Variants in ZNF33A observed in about 807,000 individuals in gnomAD.
ZNF33A encodes the protein zinc finger protein 33A, also known as brain my041 protein.
Under a neutral mutation model 15.9 loss-of-function variants are expected in ZNF33A, and 9 were observed. The ratio of observed to expected loss-of-function variants is 0.57; its 90% CI spans 0.34 to 0.99. The LOEUF is 0.99. Ranked by LOEUF, ZNF33A falls within the 50% of genes least tolerant of loss-of-function variation. The pLI, the probability that ZNF33A is intolerant of heterozygous loss-of-function variation, is 0.02. For missense variants in ZNF33A, 843 were observed against 941.6 expected, an observed-to-expected ratio of 0.90 and a Z score of 1.37; for synonymous variants, 294 against 324.2, an observed-to-expected ratio of 0.91 and a Z score of 1.00.
downstream of ZNF33A, among the ~76,000 whole-genome samples, chr10:38,067,236 G>A (rs188142893): frequency 1.6e-3 from 241 of 151,748 alleles, no homozygotes; most frequent in African/African-American, 5.6e-3. Context: ...GCAGAGATAG[G>A]GGTCTTACTT....
Position 38,054,584 on chromosome 10 carries a change from G to T in ZNF33A, c.460G>T (p.Glu154Ter). Residue 154 changes from glutamate (E) to a stop codon, truncating the protein, a stop_gained, in exon 5 of 5, where the codon GAA (glutamate) becomes TAA (stop). Transcript: ENST00000432900. LOFTEE classifies it low-confidence loss of function (END_TRUNC). ...TGGAATGAGTTTCAACACTGTTTCA[G>T]AATTGGTTATCAGTAAGATAAACTA... ...SCGMSFNTVS[E>*]LVISKINYLG... The T allele has an allele frequency of 6.2e-7, 1 of 1,611,188 alleles. No homozygotes were observed.
At chr10:38,020,978 C>T (rs1203959789) in intron 4 of ZNF33A, among the ~76,000 whole-genome samples, 9 of 152,176 alleles carry the variant, frequency 5.9e-5, no homozygotes, top group African/African-American at 9.7e-5. Context: ...CTTTTAGTTC[C>T]TGTGAAACTG....
intron 4 of ZNF33A, among the ~76,000 whole-genome samples, chr10:38,021,454 A>G (rs1036581477): frequency 2.0e-5 from 3 of 151,266 alleles, no homozygotes; most frequent in Non-Finnish European, 2.9e-5. Context: ...TAGCCTGGAT[A>G]ACATGGTGAA....
chr10:38,038,791 G>C (rs1036660384), intron 4 of ZNF33A, among the ~76,000 whole-genome samples: 2 of 152,182 alleles, frequency 1.3e-5, no homozygotes, highest in African/African-American at 4.8e-5. Context: ...TTATAGAGAA[G>C]ATGGTCATTG....
Position 38,056,291 on chromosome 10 carries a change from T to C in ZNF33A, c.2167T>C (p.Cys723Arg). The C allele has an allele frequency of 1.9e-6, 3 of 1,614,128 alleles. No individual in the cohort carries two copies. The highest frequency in any genetic ancestry group is 2.5e-6 in the Non-Finnish European group (3 of 1,179,986). Residue 723 changes from cysteine to arginine, a missense_variant, in exon 5 of 5, where the codon TGT becomes CGT. Coordinates refer to ENST00000432900, the MANE Select transcript of ZNF33A (RefSeq NM_006954.2). ...TCACACAGGAGAGAAATCTTGTCAATGTAATGAATGTGGAAAAATCTTTTA... is the reference window on the plus strand; with the variant it reads ...TCACACAGGAGAGAAATCTTGTCAACGTAATGAATGTGGAAAAATCTTTTA... ...RAHTGEKSCQ[C>R]NECGKIFYRK... is the part of the protein sequence containing the mutation.
intron 1 of ZNF33A, among the ~76,000 whole-genome samples, 158 bp downstream of exon 1, chr10:38,010,941 G>C (rs2064143865): frequency 6.6e-6 from 1 of 152,210 alleles, no homozygotes; most frequent in African/African-American, 2.4e-5. Context: ...CACGACGCTA[G>C]GCCGGTTCCT....
chr10:38,029,339 G>GT (rs1276642301), intron 4 of ZNF33A, among the ~76,000 whole-genome samples: 2 of 152,078 alleles, frequency 1.3e-5, no homozygotes, highest in African/African-American at 4.8e-5. Flanking sequence ...TCAGATGATA[G>GT]TTTTTTTCTT....
At chr10:38,025,375 A>G (rs141459138) in intron 4 of ZNF33A, among the ~76,000 whole-genome samples, 2 of 152,322 alleles carry the variant, frequency 1.3e-5, no homozygotes, top group African/African-American at 4.8e-5. Flanking sequence ...CCTCACCCCA[A>G]GTGTGGTGGT....
intron 2 of ZNF33A, among the ~76,000 whole-genome samples, chr10:38,016,459 G>A (rs1028763282): frequency 2.6e-5 from 4 of 152,130 alleles, no homozygotes; most frequent in African/African-American, 9.7e-5. Context: ...TGCTTATGAA[G>A]AACGTAATAG....
downstream of ZNF33A, among the ~76,000 whole-genome samples, chr10:38,061,011 G>A (rs569268762): frequency 6.6e-6 from 1 of 152,258 alleles, no homozygotes; most frequent in African/African-American, 2.4e-5. Flanking sequence ...TGACCACACT[G>A]TACAGCACTT....
At chr10:38,031,717 C>T (rs2065220282) in intron 4 of ZNF33A, among the ~76,000 whole-genome samples, 1 of 152,072 alleles carries the variant, frequency 6.6e-6, no homozygotes, top group Admixed American at 6.5e-5. Context: ...ATAACCCCAG[C>T]ACTTTGGGAG....
chr10:38,022,347 A>T (rs993172557), intron 4 of ZNF33A, among the ~76,000 whole-genome samples: 1 of 152,166 alleles, frequency 6.6e-6, no homozygotes, highest in Non-Finnish European at 1.5e-5. Flanking sequence ...CTTGTCAACA[A>T]CTTTATGTTT....
At chr10:38,042,813 A>G (rs1373251607) in intron 4 of ZNF33A, among the ~76,000 whole-genome samples, 1 of 152,182 alleles carries the variant, frequency 6.6e-6, no homozygotes, top group African/African-American at 2.4e-5. Context: ...TCAGCCTCCC[A>G]AAGTGTTGGG....
intron 4 of ZNF33A, among the ~76,000 whole-genome samples, chr10:38,035,098 A>G (rs2135658252): frequency 7.1e-6 from 1 of 140,518 alleles, no homozygotes; most frequent in African/African-American, 2.7e-5. Context: ...ACCATCCATC[A>G]TCCATTTACT....
At chr10:38,027,525 C>CTT (rs760444504) in intron 4 of ZNF33A, among the ~76,000 whole-genome samples, 2 of 142,776 alleles carry the variant, frequency 1.4e-5, no homozygotes, top group African/African-American at 2.6e-5. Context: ...GCCCAGCTAT[C>CTT]TTTTTTTTTT....
rs1380337398 is a variant in ZNF33A, at chr10:38,056,088, A to G, written c.1964A>G (p.His655Arg). Residue 655 changes from histidine (H) to arginine (R), a missense_variant, in exon 5 of 5, where the codon CAT (histidine) becomes CGT (arginine). Coordinates refer to ENST00000432900, the MANE Select transcript of ZNF33A (RefSeq NM_006954.2). ...TGCCATAAGTCAGCTCTAATTGTAC[A>G]TCAGAGAACCCATACACAAGAAAAG... ...AFCHKSALIV[H>R]QRTHTQEKPY... 2.5e-6 allele frequency: 4 copies of G among 1,614,040 alleles called. No homozygotes were observed. Among genetic ancestry groups the G allele is most frequent in the Non-Finnish European group, 1.7e-6 (2 of 1,180,016 alleles).
At chr10:38,019,964 C>T (rs1317370847) in intron 4 of ZNF33A, among the ~76,000 whole-genome samples, 1 of 152,148 alleles carries the variant, frequency 6.6e-6, no homozygotes, top group African/African-American at 2.4e-5. Flanking sequence ...GTGCATTTCA[C>T]TTCAAGTGGT....
rs776574923 is a variant in ZNF33A at position 38,053,375 on chromosome 10, T to TG, written c.251-995dup. Among the ~76,000 whole-genome samples the TG allele has an allele frequency of 2.1e-4, 32 of 151,940 alleles. 1 individual carries two copies. Among genetic ancestry groups the TG allele is most frequent in the Non-Finnish European group, 3.1e-4 (21 of 67,978 alleles). On this transcript the variant is annotated intron_variant, in intron 4 of 4. Coordinates refer to ENST00000432900, the MANE Select transcript of ZNF33A (RefSeq NM_006954.2). ...TGACCAGTGGTTGGGGGTGGTGGGT[T>TG]GGGGGAGAAAGAGAGCTCATGCATG...
chr10:38,056,670 T>G lies in ZNF33A; in HGVS notation c.*110T>G. 1.4e-6 allele frequency: 2 copies of G among 1,417,890 alleles called. No homozygotes were observed. The highest frequency in any genetic ancestry group is 1.8e-6 in the Non-Finnish European group (2 of 1,091,014). The allele number at this position is 1,417,890 out of a possible 1,614,324, so 87.8% of individuals were successfully genotyped here. Reference sequence around the variant, plus strand: ...TTAGGAAGTGATATTCTATGTAATATCAGATGGTTAATACGGGCATAACAC... The same window carrying G: ...TTAGGAAGTGATATTCTATGTAATAGCAGATGGTTAATACGGGCATAACAC... On this transcript the variant is annotated 3_prime_UTR_variant, in exon 5 of 5. Coordinates refer to ENST00000432900, the MANE Select transcript of ZNF33A (RefSeq NM_006954.2).
Sources: gnomAD v4.1 joint callset for allele counts (sites outside exome capture counted in the v4.1 genomes callset) on GRCh38, gnomAD v4.1.1 for gene constraint, MANE v1.5 for transcripts, NCBI Gene and HGNC (gene_info 2026-07-23, HGNC 2026-07-21) for gene names.